KLHL1: variants seen among roughly 807,000 people sequenced by gnomAD.
KLHL1 encodes the protein kelch like family member 1, also known as kelch-like protein 1.
KLHL1 carries 47 observed loss-of-function variants against 77.7 expected under a neutral mutation model. The ratio of observed to expected loss-of-function variants is 0.60; its 90% confidence interval spans 0.48 to 0.77. KLHL1 has a LOEUF of 0.77. Ranked by LOEUF, KLHL1 falls within the 30% of genes least tolerant of loss-of-function variation. KLHL1 has a pLI of 0.00. For synonymous variants in KLHL1, 360 were observed against 325.2 expected (o/e 1.11, Z -1.15); for missense variants, 925 against 910.8 (o/e 1.02, Z -0.20).
In KLHL1 at chr13:69,708,810, G is replaced by A. The variant is rs185538888; in HGVS notation, c.2016-1014C>T. ...AAGGGTGGTAAGAACCCAGAAGAAT[G>A]AATATAAAATAAAACTGTGAGAAAG... On this transcript the variant is annotated intron_variant, in intron 9 of 10. Coordinates refer to ENST00000377844, the MANE Select transcript of KLHL1 (RefSeq NM_020866.3). Among the ~76,000 whole-genome samples the A allele has an allele frequency of 5.6e-3, 845 of 151,914 alleles. 6 individuals are homozygous for A. Among genetic ancestry groups the A allele is most frequent in the African/African-American group, 0.019 (807 of 41,464 alleles).
intron 5 of KLHL1, among the ~76,000 whole-genome samples, chr13:69,864,679 T>C (rs183937121): frequency 2.2e-4 from 33 of 152,310 alleles, no homozygotes; most frequent in Non-Finnish European, 1.6e-4. Flanking sequence ...TAACTATACA[T>C]TGATAAGCAA....
At chr13:69,996,198 G>C (rs1212912593) in intron 1 of KLHL1, among the ~76,000 whole-genome samples, 2 of 152,004 alleles carry the variant, frequency 1.3e-5, no homozygotes, top group Non-Finnish European at 2.9e-5. Context: ...AGCTACTCAG[G>C]AGGCTGAGGC....
Position 69,701,677 on chromosome 13 carries a change from T to C in KLHL1, c.*25A>G. The C allele has an allele frequency of 1.9e-6, 3 of 1,562,096 alleles. No individual in the cohort carries two copies. Among genetic ancestry groups the C allele is most frequent in the Non-Finnish European group, 1.8e-6 (2 of 1,137,770 alleles). Reference sequence around the variant, plus strand: ...AAAATAACCACTCCAGCAAGTAAAATCTTTCCAAGTAAAATATCAATAAGT... The same window carrying C: ...AAAATAACCACTCCAGCAAGTAAAACCTTTCCAAGTAAAATATCAATAAGT... On this transcript the variant is annotated 3_prime_UTR_variant, in exon 11 of 11. Coordinates refer to ENST00000377844, the MANE Select transcript of KLHL1 (RefSeq NM_020866.3).
intron 7 of KLHL1, among the ~76,000 whole-genome samples, chr13:69,779,089 T>G (rs929000132): frequency 6.6e-6 from 1 of 152,072 alleles, no homozygotes. Context: ...TAAGCCACCA[T>G]GCCCGGTCAG....
At chr13:69,896,608 C>T (rs1881650224) in intron 4 of KLHL1, among the ~76,000 whole-genome samples, 1 of 151,972 alleles carries the variant, frequency 6.6e-6, no homozygotes, top group Non-Finnish European at 1.5e-5. Flanking sequence ...ATGCTAAGTA[C>T]TCTACTACAG....
At chr13:69,970,143 T>A (rs1168774164) in intron 2 of KLHL1, among the ~76,000 whole-genome samples, 1 of 152,174 alleles carries the variant, frequency 6.6e-6, no homozygotes, top group Non-Finnish European at 1.5e-5. Context: ...TGATGCTCAC[T>A]GTTTCAGAAT....
intron 1 of KLHL1, among the ~76,000 whole-genome samples, chr13:70,071,258 G>C (rs944774258): frequency 4.6e-5 from 7 of 152,000 alleles, no homozygotes; most frequent in African/African-American, 1.7e-4. Flanking sequence ...TTAAAAATTA[G>C]AAGATATAAA....
At chr13:69,719,203 TGTGTGTGAGA>T (rs1345868343) in intron 9 of KLHL1, among the ~76,000 whole-genome samples, 156 bp downstream of exon 9, 30 of 71,556 alleles carry the variant, frequency 4.2e-4, no homozygotes, top group East Asian at 1.5e-3. Flanking sequence ...TGTGTGTGTG[TGTGTGTGAGA>T]GAGAGAGAGA....
At chr13:69,826,056 A>T (rs1019056505) in intron 6 of KLHL1, among the ~76,000 whole-genome samples, 4 of 152,270 alleles carry the variant, frequency 2.6e-5, no homozygotes, top group Admixed American at 2.0e-4. Flanking sequence ...ATGTTAAGTG[A>T]ACTAAACCAG....
rs533225964 is a variant in KLHL1, at chr13:69,971,797, A to G, written c.680+3823T>C. Among the ~76,000 whole-genome samples the G allele has an allele frequency of 8.5e-5, 13 of 152,196 alleles. No individual in the cohort carries two copies. In the South Asian group the frequency reaches 2.7e-3, roughly 31 times the overall value. On this transcript the variant is annotated intron_variant, in intron 2 of 10. Coordinates refer to ENST00000377844, the MANE Select transcript of KLHL1 (RefSeq NM_020866.3). ...CAAGTATATTGAAAACTCTACAAGG[A>G]AAAACATTATGTTTTATAATCATTA...
chr13:69,966,678 G>C (rs571050238), intron 2 of KLHL1, among the ~76,000 whole-genome samples: 3 of 152,088 alleles, frequency 2.0e-5, no homozygotes, highest in Non-Finnish European at 4.4e-5. Flanking sequence ...TTGTGTAATG[G>C]TCAATACAGG....
intron 1 of KLHL1, among the ~76,000 whole-genome samples, chr13:69,996,910 A>ATTTTTTTTTTTTTTTTTTTTTTTTT (rs10549532): frequency 4.2e-5 from 3 of 71,240 alleles, no homozygotes; most frequent in African/African-American, 1.1e-4. Flanking sequence ...TATTCATTAA[A>ATTTTTTTTTTTTTTTTTTTTTTTTT]TTTTTTTTTT....
chr13:69,856,881 C>A (rs184801517), intron 5 of KLHL1, among the ~76,000 whole-genome samples: 4 of 152,082 alleles, frequency 2.6e-5, no homozygotes, highest in Non-Finnish European at 5.9e-5. Context: ...TCATAGTAAT[C>A]CTTTTCCCTC....
At chr13:69,815,503 T>C (rs1878081315) in intron 6 of KLHL1, among the ~76,000 whole-genome samples, 1 of 152,034 alleles carries the variant, frequency 6.6e-6, no homozygotes, top group Admixed American at 6.6e-5. Flanking sequence ...AGGTAAACAC[T>C]GGGTACAAAA....
At chr13:69,715,960 A>G (rs1876104009) in intron 9 of KLHL1, among the ~76,000 whole-genome samples, 2 of 152,098 alleles carry the variant, frequency 1.3e-5, no homozygotes, top group African/African-American at 4.8e-5. Flanking sequence ...GGCCCTATCT[A>G]TCTCAAAAGT....
chr13:70,060,952 A>C (rs1168933436), intron 1 of KLHL1, among the ~76,000 whole-genome samples: 4 of 152,206 alleles, frequency 2.6e-5, no homozygotes, highest in Non-Finnish European at 4.4e-5. Flanking sequence ...ACTGAGGGAC[A>C]CTATGTTAAC....
At chr13:69,983,745 G>A (rs1052093684) in intron 1 of KLHL1, among the ~76,000 whole-genome samples, 1 of 151,938 alleles carries the variant, frequency 6.6e-6, no homozygotes, top group Non-Finnish European at 1.5e-5. Context: ...TCTAGCCTTG[G>A]TGACACAGCA....
chr13:69,995,885 CCA>C lies in KLHL1; in HGVS notation c.498-20085_498-20084del, dbSNP rs200422196. On this transcript the variant is annotated intron_variant, in intron 1 of 10. Coordinates refer to ENST00000377844, the MANE Select transcript of KLHL1 (RefSeq NM_020866.3). ...ACAATTCTCATATTGAGGTCTCGAC[CCA>C]CACAGAGTCAGGTGTATTAAGAAAG... Among the ~76,000 whole-genome samples, 502 of 152,170 alleles carry C rather than the reference CCA, an allele frequency of 3.3e-3. 3 individuals carry two copies. The highest frequency in any genetic ancestry group is 0.011 in the African/African-American group (476 of 41,512).
intron 4 of KLHL1, among the ~76,000 whole-genome samples, chr13:69,889,063 T>C (rs1032551577): frequency 2.9e-4 from 44 of 151,434 alleles, no homozygotes; most frequent in Non-Finnish European, 4.3e-4. Flanking sequence ...TATATATAAT[T>C]TTCTATTGCT....
Sources: allele counts gnomAD v4.1 joint callset (sites outside exome capture counted in the v4.1 genomes callset), GRCh38; gene constraint gnomAD v4.1.1; transcripts MANE v1.5; gene names NCBI Gene and HGNC (gene_info 2026-07-23, HGNC 2026-07-21).